SNTG1: variants seen among roughly 807,000 people sequenced by gnomAD.
The protein encoded by SNTG1 is syntrophin gamma 1.
Under a neutral mutation model 74.7 loss-of-function variants are expected in SNTG1, and 39 were observed. The ratio of observed to expected loss-of-function variants is 0.52; its 90% CI spans 0.40 to 0.68. The LOEUF (loss-of-function observed/expected upper bound fraction) is 0.68, where lower values mean the gene tolerates loss of function less well. Ranked by LOEUF, SNTG1 falls within the 30% of genes least tolerant of loss-of-function variation. SNTG1 has a pLI of 0.00. For missense variants in SNTG1, 685 were observed against 609.5 expected, an observed-to-expected ratio of 1.12 and a Z score of -1.30; for synonymous variants, 254 against 217.1, an observed-to-expected ratio of 1.17 and a Z score of -1.49.
chr8:50,139,816 G>A (rs1236997678), intron 1 of SNTG1, among the ~76,000 whole-genome samples: 1 of 152,230 alleles, frequency 6.6e-6, no homozygotes, highest in Admixed American at 6.5e-5. Flanking sequence ...AAGCACCAGA[G>A]CCAAGAGTGA....
intron 1 of SNTG1, among the ~76,000 whole-genome samples, chr8:49,955,788 T>C (rs1459451590): frequency 6.6e-6 from 1 of 152,176 alleles, no homozygotes; most frequent in Admixed American, 6.5e-5. Context: ...TTGTCACACA[T>C]GAAAAGGGCT....
intron 1 of SNTG1, among the ~76,000 whole-genome samples, chr8:50,074,542 T>C (rs1821653470): frequency 6.6e-6 from 1 of 152,188 alleles, no homozygotes; most frequent in Non-Finnish European, 1.5e-5. Flanking sequence ...AACATACACA[T>C]TTATCAATTA....
At chr8:50,131,290 C>A (rs1045322370) in intron 1 of SNTG1, among the ~76,000 whole-genome samples, 1 of 151,880 alleles carries the variant, frequency 6.6e-6, no homozygotes, top group Non-Finnish European at 1.5e-5. Flanking sequence ...AGTGGGCACT[C>A]GATTATTTCT....
chr8:50,070,070 G>A (rs1258021259), intron 1 of SNTG1, among the ~76,000 whole-genome samples: 1 of 152,098 alleles, frequency 6.6e-6, no homozygotes, highest in Admixed American at 6.6e-5. Flanking sequence ...GTTTGGTAAA[G>A]TAGTAAAGAA....
chr8:50,193,914 A>G (rs1401810769), intron 2 of SNTG1, among the ~76,000 whole-genome samples: 2 of 152,106 alleles, frequency 1.3e-5, no homozygotes, highest in Admixed American at 1.3e-4. Context: ...CTTTTTCTGC[A>G]TCTATTGAGA....
intron 8 of SNTG1, among the ~76,000 whole-genome samples, chr8:50,461,956 C>T (rs908581383): frequency 6.6e-6 from 1 of 152,038 alleles, no homozygotes; most frequent in African/African-American, 2.4e-5. Context: ...TGTATACATG[C>T]CTGTTCATAT....
intron 15 of SNTG1, among the ~76,000 whole-genome samples, chr8:50,687,637 T>A (rs772779368): frequency 6.6e-6 from 1 of 152,222 alleles, no homozygotes; most frequent in Non-Finnish European, 1.5e-5. Flanking sequence ...TTGTTACATA[T>A]GTATACATGT....
At chr8:50,483,650 A>G (rs1445985724) in intron 8 of SNTG1, among the ~76,000 whole-genome samples, 2 of 152,218 alleles carry the variant, frequency 1.3e-5, no homozygotes, top group Non-Finnish European at 2.9e-5. Flanking sequence ...AAATGACAGT[A>G]TATGGCAGGG....
chr8:50,415,718 A>G (rs368128826), intron 4 of SNTG1, among the ~76,000 whole-genome samples: 6 of 152,142 alleles, frequency 3.9e-5, no homozygotes, highest in African/African-American at 1.4e-4. Context: ...TATCATACAT[A>G]TTGTTAATTT....
chr8:50,741,409 A>C (rs989141704), intron 17 of SNTG1, among the ~76,000 whole-genome samples: 1 of 152,074 alleles, frequency 6.6e-6, no homozygotes, highest in African/African-American at 2.4e-5. Context: ...GGCACGAGCC[A>C]CTGCACCTGA....
At chr8:50,137,959 C>T (rs1216320671) in intron 1 of SNTG1, among the ~76,000 whole-genome samples, 1 of 152,168 alleles carries the variant, frequency 6.6e-6, no homozygotes, top group Admixed American at 6.6e-5. Flanking sequence ...GTCTCTGTGT[C>T]CTGAGTCCAA....
At chr8:50,721,083 G>A (rs1224600181) in intron 17 of SNTG1, among the ~76,000 whole-genome samples, 9 of 152,152 alleles carry the variant, frequency 5.9e-5, no homozygotes, top group Admixed American at 5.9e-4. Context: ...CAACATGTAA[G>A]CCTTTCATTA....
intron 2 of SNTG1, among the ~76,000 whole-genome samples, chr8:50,264,689 A>T (rs960401364): frequency 1.7e-4 from 26 of 151,970 alleles, no homozygotes; most frequent in Non-Finnish European, 2.2e-4. Flanking sequence ...AAAAATAATT[A>T]AAAAAAATTA....
intron 1 of SNTG1, among the ~76,000 whole-genome samples, chr8:50,139,881 T>C (rs1179128204): frequency 2.0e-5 from 3 of 152,216 alleles, no homozygotes; most frequent in Non-Finnish European, 2.9e-5. Flanking sequence ...ACAGTGACTC[T>C]TAGTGATGAG....
chr8:50,281,034 C>T (rs62515888), intron 2 of SNTG1, among the ~76,000 whole-genome samples: 70,219 of 149,648 alleles, frequency 0.47, 19,062 homozygotes, highest in East Asian at 0.84. Context: ...ATAAAAGGAC[C>T]TAGAAAAGGG....
chr8:50,087,164 T>A (rs1387894047), intron 1 of SNTG1, among the ~76,000 whole-genome samples: 1 of 152,190 alleles, frequency 6.6e-6, no homozygotes, highest in Non-Finnish European at 1.5e-5. Context: ...ATTGATCTTT[T>A]CTGAATAAGA....
intron 1 of SNTG1, among the ~76,000 whole-genome samples, chr8:50,064,655 G>A (rs897116697): frequency 1.3e-5 from 2 of 152,164 alleles, no homozygotes; most frequent in Non-Finnish European, 2.9e-5. Context: ...CATTTCTCCT[G>A]AATATGGGTT....
At chr8:50,212,169 G>T (rs886434594) in intron 2 of SNTG1, among the ~76,000 whole-genome samples, 6 of 151,742 alleles carry the variant, frequency 4.0e-5, no homozygotes, top group African/African-American at 1.2e-4. Flanking sequence ...GCAATTTCTT[G>T]TACAGTATCT....
intron 1 of SNTG1, among the ~76,000 whole-genome samples, chr8:50,134,728 T>G (rs1306484405): frequency 6.6e-6 from 1 of 151,984 alleles, no homozygotes; most frequent in Non-Finnish European, 1.5e-5. Context: ...GTTGAGCGGT[T>G]ATAGATAGAA....
Sources: gnomAD v4.1 joint callset for allele counts (sites outside exome capture counted in the v4.1 genomes callset) on GRCh38, gnomAD v4.1.1 for gene constraint, MANE v1.5 for transcripts, NCBI Gene and HGNC (gene_info 2026-07-23, HGNC 2026-07-21) for gene names.